Variants in SNX29 observed in about 807,000 individuals in gnomAD.
The protein encoded by SNX29 is sorting nexin 29.
In SNX29, 78 loss-of-function variants were observed where a neutral mutation model predicts 102.1. That is an observed-to-expected ratio of 0.76 (90% CI 0.64 to 0.92). The LOEUF (loss-of-function observed/expected upper bound fraction) is 0.92. Ranked by LOEUF, SNX29 falls within the 40% of genes least tolerant of loss-of-function variation. The probability of loss-of-function intolerance (pLI) is 0.00; values close to 1 mark genes in which losing one functional copy is unlikely to be tolerated. For missense variants in SNX29, 1,280 were observed against 1,061.7 expected (o/e 1.21, Z -2.86); for synonymous variants, 580 against 414.5 (o/e 1.40, Z -4.85).
At chr16:12,172,683 A>G (rs1437288775) in intron 13 of SNX29, among the ~76,000 whole-genome samples, 1 of 152,248 alleles carries the variant, frequency 6.6e-6, no homozygotes, top group Non-Finnish European at 1.5e-5. Context: ...CATTGTCATT[A>G]ACATGATATT....
chr16:12,284,150 G>A (rs936646070), intron 15 of SNX29, among the ~76,000 whole-genome samples: 14 of 152,198 alleles, frequency 9.2e-5, no homozygotes, highest in African/African-American at 4.8e-5. Flanking sequence ...AAGTGTTGGC[G>A]ACATTCGGAC....
intron 4 of SNX29, among the ~76,000 whole-genome samples, chr16:12,030,806 C>T (rs556280383): frequency 6.6e-6 from 1 of 152,296 alleles, no homozygotes; most frequent in East Asian, 1.9e-4. Flanking sequence ...GTATCTGTCT[C>T]TGTTCTACCT....
At chr16:12,022,297 T>G (rs2057051752) in intron 3 of SNX29, among the ~76,000 whole-genome samples, 1 of 151,318 alleles carries the variant, frequency 6.6e-6, no homozygotes, top group African/African-American at 2.4e-5. Context: ...GCCTCCCGGG[T>G]TCAAGCGATT....
chr16:12,531,801 C>T (rs145682586), intron 20 of SNX29, among the ~76,000 whole-genome samples: 1 of 152,146 alleles, frequency 6.6e-6, no homozygotes, highest in Admixed American at 6.5e-5. Context: ...CAGAGCCAGG[C>T]GAGGGCAGAG....
At chr16:12,461,501 C>G (rs2086773872) in intron 18 of SNX29, among the ~76,000 whole-genome samples, 1 of 152,198 alleles carries the variant, frequency 6.6e-6, no homozygotes, top group Non-Finnish European at 1.5e-5. Flanking sequence ...GTTCTTAAAA[C>G]TCGTCTCCTC....
rs1018553981 is a variant in SNX29 at position 12,069,110 on chromosome 16, C to G, written c.1297C>G (p.Pro433Ala). 1 of 1,613,536 alleles carries G rather than the reference C, an allele frequency of 6.2e-7. No individual in the cohort carries two copies. The change falls in exon 10 of 21, where the codon CCA becomes GCA. Residue 433 changes from proline (P) to alanine (A), a missense_variant. Pro to Ala is a conservative substitution (Grantham distance 27). Coordinates refer to ENST00000566228, the MANE Select transcript of SNX29 (RefSeq NM_032167.5). The part of the protein sequence containing the change: ...NGTGPEDHVL[P>A]DPGLRYSVEA... ...GACAGGACCAGAGGACCACGTTCTCCCAGATCCTGGACTTCGGTACAGGTT... is the reference window on the plus strand; with the variant it reads ...GACAGGACCAGAGGACCACGTTCTCGCAGATCCTGGACTTCGGTACAGGTT...
intron 18 of SNX29, among the ~76,000 whole-genome samples, chr16:12,470,895 C>A (rs183710539): frequency 1.1e-4 from 16 of 152,300 alleles, no homozygotes; most frequent in South Asian, 2.1e-4. Context: ...GGGCGAGGCA[C>A]GACACCTCAC....
At chr16:12,432,254 A>G (rs1366837940) in intron 18 of SNX29, among the ~76,000 whole-genome samples, 2 of 152,212 alleles carry the variant, frequency 1.3e-5, no homozygotes, top group East Asian at 3.8e-4. Flanking sequence ...TTCGCCAATT[A>G]CCGTTAGTCA....
chr16:12,345,163 G>T (rs948210400), intron 15 of SNX29, among the ~76,000 whole-genome samples: 1 of 152,204 alleles, frequency 6.6e-6, no homozygotes, highest in African/African-American at 2.4e-5. Context: ...AAGATCCTGT[G>T]CTCTGCGCTA....
intron 11 of SNX29, among the ~76,000 whole-genome samples, chr16:12,108,716 G>T (rs1348578872): frequency 6.6e-6 from 1 of 152,142 alleles, no homozygotes; most frequent in Admixed American, 6.6e-5. Flanking sequence ...GTGGTGGCCA[G>T]TGCAAGGGTT....
At chr16:12,555,469 G>A (rs913903903) in intron 20 of SNX29, among the ~76,000 whole-genome samples, 1 of 151,264 alleles carries the variant, frequency 6.6e-6, no homozygotes, top group Non-Finnish European at 1.5e-5. Flanking sequence ...TAGTTGACAT[G>A]TCTGAGGACG....
At chr16:12,115,391 G>A (rs1221535142) in intron 11 of SNX29, among the ~76,000 whole-genome samples, 1 of 152,058 alleles carries the variant, frequency 6.6e-6, no homozygotes, top group Non-Finnish European at 1.5e-5. Context: ...GGACACAGCA[G>A]GGTCAGACAT....
chr16:12,201,935 G>T (rs1042357374), intron 14 of SNX29, among the ~76,000 whole-genome samples: 1 of 152,088 alleles, frequency 6.6e-6, no homozygotes, highest in Non-Finnish European at 1.5e-5. Flanking sequence ...CCCCAAATGG[G>T]CCTATGGAAC....
intron 13 of SNX29, among the ~76,000 whole-genome samples, chr16:12,139,861 G>A (rs1202097746): frequency 1.3e-5 from 2 of 151,134 alleles, no homozygotes; most frequent in Non-Finnish European, 2.9e-5. Flanking sequence ...CATGCCTGTG[G>A]TCCCAGCTAC....
intron 14 of SNX29, among the ~76,000 whole-genome samples, chr16:12,271,936 C>T (rs539699898): frequency 1.5e-4 from 23 of 152,130 alleles, no homozygotes; most frequent in East Asian, 7.7e-4. Flanking sequence ...GGTCCATCTT[C>T]GAAGCTGCTT....
intron 11 of SNX29, chr16:12,087,935 CTTT>C (rs1234717323): frequency 4.4e-6 from 2 of 456,788 alleles, no homozygotes; most frequent in Non-Finnish European, 4.4e-6. Flanking sequence ...CTGCAATACG[CTTT>C]TGAAGGAGGA....
intron 16 of SNX29, among the ~76,000 whole-genome samples, chr16:12,387,698 A>G (rs186564668): frequency 1.3e-5 from 2 of 152,242 alleles, no homozygotes; most frequent in African/African-American, 2.4e-5. Context: ...TCTGTTAATA[A>G]GTGTTGAGGC....
chr16:12,120,757 G>T (rs1045381992), intron 11 of SNX29, among the ~76,000 whole-genome samples: 13 of 152,194 alleles, frequency 8.5e-5, no homozygotes, highest in African/African-American at 3.1e-4. Flanking sequence ...GGTCACTGCC[G>T]AGAAAGGAGG....
chr16:12,267,582 G>T (rs1335573321), intron 14 of SNX29, among the ~76,000 whole-genome samples: 1 of 152,138 alleles, frequency 6.6e-6, no homozygotes, highest in Non-Finnish European at 1.5e-5. Context: ...CCATGGCAGG[G>T]CACTGGAACC....
Sources: allele counts gnomAD v4.1 joint callset (sites outside exome capture counted in the v4.1 genomes callset), GRCh38; gene constraint gnomAD v4.1.1; transcripts MANE v1.5; gene names NCBI Gene and HGNC (gene_info 2026-07-23, HGNC 2026-07-21).